Variants in GIMAP8 observed in about 807,000 individuals in gnomAD.
The protein encoded by GIMAP8 is GTPase, IMAP family member 8, also known as GTPase IMAP family member 8.
GIMAP8 carries 29 observed loss-of-function variants against 35.6 expected under a neutral mutation model. That is an observed-to-expected ratio of 0.81 (90% CI 0.61 to 1.11). The LOEUF is 1.11. Among genes scored for constraint, GIMAP8 ranks in the 50% most tolerant of loss-of-function variants. The probability of loss-of-function intolerance (pLI) is 0.00; values close to 1 mark genes in which losing one functional copy is unlikely to be tolerated. For synonymous variants in GIMAP8, 335 were observed against 308.7 expected (o/e 1.09, Z -0.89); for missense variants, 811 against 805.0 (o/e 1.01, Z -0.09).
intron 4 of GIMAP8, among the ~76,000 whole-genome samples, chr7:150,476,707 G>C (rs1001603481): frequency 1.3e-5 from 2 of 152,218 alleles, no homozygotes; most frequent in Non-Finnish European, 2.9e-5. Context: ...AAGACAAAGG[G>C]ATGAGATGTG....
intron 2 of GIMAP8, among the ~76,000 whole-genome samples, chr7:150,469,285 G>A (rs77116388): frequency 6.4e-4 from 97 of 152,220 alleles, no homozygotes; most frequent in African/African-American, 2.2e-3. Context: ...ATCTGCATCA[G>A]CTAAAAGTCA....
rs1585123438 is a variant in GIMAP8, at chr7:150,479,171, G to A, written c.*1391G>A. The A allele has an allele frequency of 6.6e-6, 1 of 152,194 alleles. No homozygotes were observed. 9.4% of individuals were successfully genotyped at this position (152,194 alleles called of 1,614,324 possible). A position where few individuals can be genotyped will look rare whatever the true frequency, so the allele number is the denominator to read the frequency against. On this transcript the variant is annotated 3_prime_UTR_variant, in exon 5 of 5. Transcript: ENST00000307271. ...ACACCAGGGTATACTTGAGGGTGGA[G>A]GGTGGCAGGAGGGTGAAGATTGAAA...
At chr7:150,462,373 T>C (rs944414809) in intron 1 of GIMAP8, among the ~76,000 whole-genome samples, 1 of 152,226 alleles carries the variant, frequency 6.6e-6, no homozygotes, top group African/African-American at 2.4e-5. Context: ...TTTGGTGGTT[T>C]TCTATAGTAA....
At position 150,467,145 on chromosome 7, in the gene GIMAP8, A is replaced by G; in HGVS notation, c.447A>G (p.Glu149=). Reference sequence around the variant, plus strand: ...ATGACTTGCTGCAAGATTTCATTGAAAAAAACAAACCTCTCAAGCAGTTGG... The same window carrying G: ...ATGACTTGCTGCAAGATTTCATTGAGAAAAACAAACCTCTCAAGCAGTTGG... ...LGDDLLQDFI[E]KNKPLKQLVQ... is the part of the protein sequence containing the mutation. Residue 149 remains glutamate, a synonymous_variant, in exon 2 of 5, where the codon GAA becomes GAG. Transcript: ENST00000307271. 6.2e-7 allele frequency: 1 copy of G among 1,614,230 alleles called. No homozygotes were observed. The highest frequency in any genetic ancestry group is 2.2e-5 in the East Asian group (1 of 44,876).
Position 150,472,204 on chromosome 7 carries a change from G to A in GIMAP8, c.682+1330G>A, listed in dbSNP as rs1802109326. ...GGGGGCAGGGAAGGACTTTTTATAG[G>A]ATGTGGGCTCATGTTAGGTGATTCT... On this transcript the variant is annotated intron_variant, in intron 3 of 4. Coordinates refer to ENST00000307271, the MANE Select transcript of GIMAP8 (RefSeq NM_175571.4). The surrounding 1 kb of genome is among the most constrained non-coding windows in gnomAD (Gnocchi z 4.1). Among the ~76,000 whole-genome samples the A allele has an allele frequency of 6.6e-6, 1 of 152,196 alleles. No homozygotes were observed.
At chr7:150,465,746 T>C (rs1426699922) in intron 1 of GIMAP8, among the ~76,000 whole-genome samples, 2 of 152,210 alleles carry the variant, frequency 1.3e-5, no homozygotes, top group African/African-American at 2.4e-5. Flanking sequence ...GGGTTTGACT[T>C]GCCTGGCAGG....
In GIMAP8 at chr7:150,452,220, G is replaced by A. The variant is rs540471346; in HGVS notation, c.-29+1045G>A. On this transcript the variant is annotated intron_variant, in intron 1 of 4. Coordinates refer to ENST00000307271, the MANE Select transcript of GIMAP8 (RefSeq NM_175571.4). ...AGAGCGTGAGTGAGGGTGAGTTTGG[G>A]TACCTTTTTGTCCTTAAGTGCACTT... is the stretch of plus-strand genomic sequence containing the variant. Among the ~76,000 whole-genome samples, 407 of 152,254 alleles carry A rather than the reference G, an allele frequency of 2.7e-3. 4 individuals carry two copies. Among genetic ancestry groups the A allele is most frequent in the Non-Finnish European group, 3.4e-3 (228 of 68,016 alleles).
rs750219376 is a variant in GIMAP8, at chr7:150,466,156, T to C, written c.-28-515T>C. Among the ~76,000 whole-genome samples the C allele has an allele frequency of 1.7e-4, 26 of 152,210 alleles. 1 individual carries two copies. Among genetic ancestry groups the C allele is most frequent in the Non-Finnish European group, 3.4e-4 (23 of 68,038 alleles). Reference sequence around the variant, plus strand: ...TTTTCAGAGTATCATGTATACCATATATTATATTTGCTTGTATGCTCTAGA... The same window carrying C: ...TTTTCAGAGTATCATGTATACCATACATTATATTTGCTTGTATGCTCTAGA... On this transcript the variant is annotated intron_variant, in intron 1 of 4. Transcript: ENST00000307271.
chr7:150,470,993 G>C, intron 3 of GIMAP8, 119 bp downstream of exon 3: 1 of 764,384 alleles, frequency 1.3e-6, no homozygotes, highest in Non-Finnish European at 2.2e-6. Context: ...TGGGGACCTA[G>C]CTGAGGTTGG....
rs117378251 is a variant in GIMAP8 at position 150,478,032 on chromosome 7, G to A, written c.*252G>A. 1.9e-6 allele frequency: 1 copy of A among 518,250 alleles called. No homozygotes were observed. Among genetic ancestry groups the A allele is most frequent in the Non-Finnish European group, 3.4e-6 (1 of 293,108 alleles). 32.1% of individuals were successfully genotyped at this position (518,250 alleles called of 1,614,324 possible). ...ATCTGGAAAAAGATTTCAGACATTA[G>A]GCTGATAATAAGTGGTAGAATCAAG... On this transcript the variant is annotated 3_prime_UTR_variant, in exon 5 of 5. Transcript: ENST00000307271.
At chr7:150,467,388 T>G (rs1801992477) in intron 2 of GIMAP8, 54 bp downstream of exon 2, 2 of 1,389,204 alleles carry the variant, frequency 1.4e-6, no homozygotes. Flanking sequence ...ACTAGTGGGA[T>G]GAAAGTGGGT....
chr7:150,471,767 C>T (rs1048546584), intron 3 of GIMAP8, among the ~76,000 whole-genome samples: 2 of 151,328 alleles, frequency 1.3e-5, no homozygotes, highest in Non-Finnish European at 2.9e-5. Context: ...AATCTGGGAG[C>T]GCAAGATTGC....
rs987842228 is a variant in GIMAP8 at position 150,467,166 on chromosome 7, G to A, written c.468G>A (p.Gln156=). ...TTGAAAAAAACAAACCTCTCAAGCA[G>A]TTGGTTCAAGACTATGAGGGCCGAT... is the stretch of plus-strand genomic sequence containing the variant. The part of the protein sequence containing the change: ...DFIEKNKPLK[Q]LVQDYEGRYC... The change falls in exon 2 of 5, where the codon CAG becomes CAA. Residue 156 remains glutamine, a synonymous_variant. Coordinates refer to ENST00000307271, the MANE Select transcript of GIMAP8 (RefSeq NM_175571.4). The A allele has an allele frequency of 6.2e-7, 1 of 1,614,094 alleles. No homozygotes were observed. The highest frequency in any genetic ancestry group is 1.3e-5 in the African/African-American group (1 of 74,934).
intron 2 of GIMAP8, among the ~76,000 whole-genome samples, chr7:150,468,567 ATATTGAC>A (rs1304346367): frequency 2.6e-5 from 4 of 152,338 alleles, no homozygotes; most frequent in Non-Finnish European, 5.9e-5. Flanking sequence ...AGTTCTATCT[ATATTGAC>A]TCCTACAGAT....
At chr7:150,461,602 C>T (rs1219305037) in intron 1 of GIMAP8, among the ~76,000 whole-genome samples, 1 of 152,100 alleles carries the variant, frequency 6.6e-6, no homozygotes, top group Admixed American at 6.6e-5. Flanking sequence ...ATTCTATGTG[C>T]TTTACAGAGG....
rs1357852628 is a variant in GIMAP8 at position 150,470,770 on chromosome 7, A to ATTTTTT, written c.637-59_637-58insTTTTTT. The ATTTTTT allele has an allele frequency of 3.8e-4, 85 of 224,012 alleles. 1 individual carries two copies. The highest frequency in any genetic ancestry group is 5.4e-4 in the Admixed American group (8 of 14,714). The allele number at this position is 224,012 out of a possible 1,614,324, so 13.9% of individuals were successfully genotyped here. ...CCTTTTTTTTTTTTTTTTTTTTTTCAGTTTGTGGAAGATGAGGTTTTAGAT... is the reference window on the plus strand; with the variant it reads ...CCTTTTTTTTTTTTTTTTTTTTTTCATTTTTTGTTTGTGGAAGATGAGGTTTTAGAT... On this transcript the variant is annotated intron_variant, in intron 2 of 4. Coordinates refer to ENST00000307271, the MANE Select transcript of GIMAP8 (RefSeq NM_175571.4).
At position 150,477,460 on chromosome 7, in the gene GIMAP8, G is replaced by T. The variant is rs759430794; in HGVS notation, c.1678G>T (p.Ala560Ser). 5 of 1,613,708 alleles carry T rather than the reference G, an allele frequency of 3.1e-6. No individual in the cohort carries two copies. Among genetic ancestry groups the T allele is most frequent in the Middle Eastern group, 1.6e-4 (1 of 6,062 alleles). ...CTTTGGAGCAGACTTTACGAAATAC[G>T]CGATTATGCTGTTCACCCGGAAGGA... ...AIFGADFTKY[A>S]IMLFTRKEDL... Residue 560 changes from alanine (A) to serine (S), a missense_variant, in exon 5 of 5, where the codon GCG becomes TCG. Coordinates refer to ENST00000307271, the MANE Select transcript of GIMAP8 (RefSeq NM_175571.4).
At chr7:150,473,631 C>T (rs1802144436) in intron 3 of GIMAP8, among the ~76,000 whole-genome samples, 1 of 151,088 alleles carries the variant, frequency 6.6e-6, no homozygotes, top group Non-Finnish European at 1.5e-5. Context: ...CACCAAGGGG[C>T]ATTTGAAAAT....
chr7:150,467,475 A>G (rs1801994818), intron 2 of GIMAP8, 141 bp downstream of exon 2: 2 of 708,584 alleles, frequency 2.8e-6, no homozygotes, highest in Non-Finnish European at 4.6e-6. Context: ...AATTTGCAGG[A>G]ATAAGAGGTA....
Sources: gnomAD v4.1 joint callset for allele counts (sites outside exome capture counted in the v4.1 genomes callset) on GRCh38, gnomAD v4.1.1 for gene constraint, Gnocchi (gnomAD v3.1) non-coding constraint, MANE v1.5 for transcripts, NCBI Gene and HGNC (gene_info 2026-07-23, HGNC 2026-07-21) for gene names.